The following TGFBR3 variants were observed in gnomAD, a reference collection of about 807,000 sequenced individuals.
The protein encoded by TGFBR3 is transforming growth factor beta receptor 3.
A neutral mutation model predicts 87.9 loss-of-function variants in TGFBR3; 46 were observed. The observed-to-expected ratio is 0.52, with a 90% confidence interval of 0.41 to 0.67. The LOEUF (loss-of-function observed/expected upper bound fraction) is 0.67. Ranked by LOEUF, TGFBR3 falls within the 30% of genes least tolerant of loss-of-function variation. TGFBR3 has a pLI of 0.00. For missense variants in TGFBR3, 866 were observed against 1,041.9 expected (o/e 0.83, Z 2.32); for synonymous variants, 381 against 391.6 (o/e 0.97, Z 0.32).
chr1:91,718,187 G>A (rs186267497), intron 10 of TGFBR3, among the ~76,000 whole-genome samples: 1 of 152,304 alleles, frequency 6.6e-6, no homozygotes, highest in African/African-American at 2.4e-5. Flanking sequence ...CATCCCTGGA[G>A]TTTAAAAAAG....
chr1:91,708,194 C>A (rs868850258), intron 14 of TGFBR3, among the ~76,000 whole-genome samples: 9 of 152,234 alleles, frequency 5.9e-5, no homozygotes, highest in Admixed American at 2.6e-4. Flanking sequence ...TGGTTCTCAT[C>A]TGTTACACCT....
intron 4 of TGFBR3, among the ~76,000 whole-genome samples, chr1:91,746,164 C>T (rs1673338450): frequency 6.6e-6 from 1 of 152,136 alleles, no homozygotes; most frequent in South Asian, 2.1e-4. Context: ...CACAAACATG[C>T]ACAAACTTGA....
chr1:91,754,028 C>T (rs1338424743), intron 4 of TGFBR3, among the ~76,000 whole-genome samples: 2 of 152,276 alleles, frequency 1.3e-5, no homozygotes, highest in East Asian at 1.9e-4. Flanking sequence ...CCCTTGTTAT[C>T]GCCTTTTTTA....
At chr1:91,803,829 G>C (rs1675733028) in intron 2 of TGFBR3, among the ~76,000 whole-genome samples, 1 of 151,994 alleles carries the variant, frequency 6.6e-6, no homozygotes, top group African/African-American at 2.4e-5. Flanking sequence ...CACTGTGTTA[G>C]ATCTGTATTT....
At chr1:91,890,465 G>A (rs1557765339), upstream of TGFBR3, among the ~76,000 whole-genome samples, 1 of 120,672 alleles carries the variant, frequency 8.3e-6, no homozygotes, top group African/African-American at 3.2e-5. Context: ...TGTTGCCCAG[G>A]CCGGAGTGCA....
At position 91,778,174 on chromosome 1, in the gene TGFBR3, A is replaced by AC. The variant is rs545183709; in HGVS notation, c.246+19112_246+19113insG. Among the ~76,000 whole-genome samples, 47 of 151,876 alleles carry AC rather than the reference A, an allele frequency of 3.1e-4. No individual in the cohort carries two copies. The South Asian group carries it at 8.5e-3, about 28-fold the overall frequency. On this transcript the variant is annotated intron_variant, in intron 3 of 16. Coordinates refer to ENST00000212355, the MANE Select transcript of TGFBR3 (RefSeq NM_003243.5). ...TAATCTAGGTTAAAAAAAAAAAAAA[A>AC]ACACACATAAGAAGACATGAGACAC...
intron 3 of TGFBR3, among the ~76,000 whole-genome samples, chr1:91,766,193 G>GTTTTT (rs1178290264): frequency 3.2e-5 from 3 of 93,716 alleles, no homozygotes; most frequent in Non-Finnish European, 4.4e-5. Flanking sequence ...AGCTAAGTTT[G>GTTTTT]TTTTCTTTTT....
intron 2 of TGFBR3, among the ~76,000 whole-genome samples, chr1:91,851,311 G>A (rs1231198621): frequency 2.0e-5 from 3 of 152,140 alleles, no homozygotes; most frequent in Non-Finnish European, 4.4e-5. Context: ...ACAAAAATAT[G>A]ACTAGATTGA....
At chr1:91,761,265 TG>T (rs1673952129) in intron 3 of TGFBR3, among the ~76,000 whole-genome samples, 1 of 152,214 alleles carries the variant, frequency 6.6e-6, no homozygotes, top group Non-Finnish European at 1.5e-5. Flanking sequence ...AGACAGATAT[TG>T]GTGCTCAGGT....
chr1:91,791,454 C>A (rs971326593), intron 3 of TGFBR3, among the ~76,000 whole-genome samples: 10 of 152,104 alleles, frequency 6.6e-5, no homozygotes, highest in Non-Finnish European at 1.5e-4. Context: ...GAGACACTGC[C>A]ACACACAGAC....
intron 3 of TGFBR3, among the ~76,000 whole-genome samples, chr1:91,787,003 C>T (rs970104794): frequency 6.6e-6 from 1 of 152,110 alleles, no homozygotes; most frequent in African/African-American, 2.4e-5. Flanking sequence ...TCAGTGAACC[C>T]TCTAAAGAAG....
intron 2 of TGFBR3, among the ~76,000 whole-genome samples, chr1:91,894,001 G>C (rs978788163): frequency 1.3e-5 from 2 of 151,194 alleles, no homozygotes; most frequent in Non-Finnish European, 2.9e-5. Flanking sequence ...AGGCCAAAGT[G>C]GGTGGATCAC....
chr1:91,808,720 C>A (rs1308701396), intron 2 of TGFBR3, among the ~76,000 whole-genome samples: 1 of 152,186 alleles, frequency 6.6e-6, no homozygotes, highest in African/African-American at 2.4e-5. Flanking sequence ...CCTGCCTCTG[C>A]CTCAGCCTCC....
intron 14 of TGFBR3, among the ~76,000 whole-genome samples, chr1:91,704,096 G>A (rs562734775): frequency 3.9e-4 from 59 of 152,222 alleles, no homozygotes; most frequent in African/African-American, 1.4e-3. Context: ...GGGAGGCCGA[G>A]GTGGATGGAT....
At chr1:91,718,972 A>T (rs1193298507) in intron 10 of TGFBR3, among the ~76,000 whole-genome samples, 1 of 152,188 alleles carries the variant, frequency 6.6e-6, no homozygotes, top group Non-Finnish European at 1.5e-5. Flanking sequence ...GCTCGTTCAT[A>T]TAGCCCAGGG....
At chr1:91,751,668 A>T (rs1673545899) in intron 4 of TGFBR3, among the ~76,000 whole-genome samples, 1 of 151,968 alleles carries the variant, frequency 6.6e-6, no homozygotes, top group South Asian at 2.1e-4. Flanking sequence ...AATAAACTAG[A>T]TGTTGGCAGC....
intron 4 of TGFBR3, among the ~76,000 whole-genome samples, chr1:91,737,404 C>G (rs935360088): frequency 6.6e-6 from 1 of 152,140 alleles, no homozygotes; most frequent in African/African-American, 2.4e-5. Flanking sequence ...GTGAGGCAGG[C>G]TACGGTGACC....
At chr1:91,701,912 C>A (rs1265935185) in intron 14 of TGFBR3, among the ~76,000 whole-genome samples, 1 of 152,136 alleles carries the variant, frequency 6.6e-6, no homozygotes, top group African/African-American at 2.4e-5. Context: ...TGGATTCTTT[C>A]AATATTTATG....
At chr1:91,873,425 G>A (rs1014864149) in intron 1 of TGFBR3, among the ~76,000 whole-genome samples, 1 of 151,444 alleles carries the variant, frequency 6.6e-6, no homozygotes, top group Non-Finnish European at 1.5e-5. Flanking sequence ...TGGGATTACA[G>A]GTGCCTGCCA....
Sources: allele counts gnomAD v4.1 joint callset (sites outside exome capture counted in the v4.1 genomes callset), GRCh38; gene constraint gnomAD v4.1.1; transcripts MANE v1.5; gene names NCBI Gene and HGNC (gene_info 2026-07-23, HGNC 2026-07-21).